The following GLI3 variants were observed in gnomAD, a reference collection of about 807,000 sequenced individuals.
GLI3 encodes the protein transcription activator GLI3.
GLI3 carries 20 observed loss-of-function variants against 100.8 expected under a neutral mutation model. That is an observed-to-expected ratio of 0.20 (90% CI 0.14 to 0.29). The LOEUF is 0.29. Among genes scored for constraint, GLI3 ranks in the 10% least tolerant of loss-of-function variants. The pLI is 1.00. For missense variants in GLI3, 2,040 were observed against 2,128.5 expected (o/e 0.96, Z 0.82); for synonymous variants, 938 against 860.5 (o/e 1.09, Z -1.58).
chr7:42,044,255 A>G (rs1021137886), intron 6 of GLI3, among the ~76,000 whole-genome samples: 2 of 152,224 alleles, frequency 1.3e-5, no homozygotes, highest in African/African-American at 4.8e-5. Flanking sequence ...AAAACAAACA[A>G]AACGCTAAGC....
rs1389935127 is a variant in GLI3 at position 41,976,301 on chromosome 7, C to T, written c.1812+1257G>A. 3.3e-5 allele frequency among the ~76,000 whole-genome samples: 5 copies of T among 152,082 alleles called. 1 individual carries two copies. Among genetic ancestry groups the T allele is most frequent in the Non-Finnish European group, 5.9e-5 (4 of 68,024 alleles). On this transcript the variant is annotated intron_variant, in intron 12 of 14. Coordinates refer to ENST00000395925, the MANE Select transcript of GLI3 (RefSeq NM_000168.6). ...TTCAAACAGTTAGAAAATGAGATTC[C>T]GAATAACTCCAGTTTCCATGACCTT...
At chr7:42,201,409 G>A (rs1160870764) in intron 2 of GLI3, among the ~76,000 whole-genome samples, 2 of 152,080 alleles carry the variant, frequency 1.3e-5, no homozygotes, top group Non-Finnish European at 2.9e-5. Flanking sequence ...CACAGCTAAG[G>A]GACAGGTTAA....
At chr7:42,155,166 G>A (rs1011844240) in intron 2 of GLI3, among the ~76,000 whole-genome samples, 2 of 152,268 alleles carry the variant, frequency 1.3e-5, no homozygotes, top group Admixed American at 6.5e-5. Flanking sequence ...CAGGCCAAGC[G>A]TGGTGGATCA....
chr7:41,965,812 G>A lies in GLI3; in HGVS notation c.3261C>T (p.Asn1087=), dbSNP rs370714837. 7.4e-5 allele frequency: 120 copies of A among 1,613,540 alleles called. No individual in the cohort carries two copies. The South Asian group carries it at 1.0e-3, about 14-fold the overall frequency. Residue 1087 remains asparagine, a synonymous_variant, in exon 15 of 15, where the codon AAC becomes AAT. Transcript: ENST00000395925. ...SLTMDADANL[N]DEDFLPDDVV... Reference sequence around the variant, plus strand: ...CGTCGTCCGGCAGGAAATCCTCATCGTTCAGGTTGGCATCAGCGTCCATGG... The same window carrying A: ...CGTCGTCCGGCAGGAAATCCTCATCATTCAGGTTGGCATCAGCGTCCATGG...
rs113583677 is a variant in GLI3 at position 42,030,970 on chromosome 7, C to A, written c.1029-4558G>T. On this transcript the variant is annotated intron_variant, in intron 7 of 14. Coordinates refer to ENST00000395925, the MANE Select transcript of GLI3 (RefSeq NM_000168.6). ...CTGACCTCAAGTGATCCGGCCGCCT[C>A]GGCCTCCCAAGGTGCTGGGATTACA... Among the ~76,000 whole-genome samples, 94 of 152,040 alleles carry A rather than the reference C, an allele frequency of 6.2e-4. 1 individual carries two copies. Among genetic ancestry groups the A allele is most frequent in the African/African-American group, 2.1e-3 (87 of 41,432 alleles).
chr7:42,227,298 T>A (rs1385403217), intron 1 of GLI3, among the ~76,000 whole-genome samples: 2 of 150,020 alleles, frequency 1.3e-5, no homozygotes, highest in Non-Finnish European at 3.0e-5. Context: ...TTGTAGCTGA[T>A]GTTTGAGTCC....
Position 42,057,617 on chromosome 7 carries a change from G to A in GLI3, c.474-8921C>T, listed in dbSNP as rs867447231. Reference sequence around the variant, plus strand: ...GACAAATAATGCATACAATGAAACAGTAAACAGCTATGAAAATGAACAAAC... The same window carrying A: ...GACAAATAATGCATACAATGAAACAATAAACAGCTATGAAAATGAACAAAC... On this transcript the variant is annotated intron_variant, in intron 4 of 14. Coordinates refer to ENST00000395925, the MANE Select transcript of GLI3 (RefSeq NM_000168.6). Among the ~76,000 whole-genome samples the A allele has an allele frequency of 2.2e-4, 33 of 152,090 alleles. 1 individual carries two copies. The highest frequency in any genetic ancestry group is 4.4e-5 in the Non-Finnish European group (3 of 68,026).
chr7:42,195,852 A>G (rs3823733), intron 2 of GLI3, among the ~76,000 whole-genome samples: 14,807 of 152,286 alleles, frequency 0.097, 873 homozygotes, highest in South Asian at 0.22. Context: ...CTGGTTTGCT[A>G]TCTTCCTCTG....
chr7:41,964,622 G>C lies in GLI3; in HGVS notation c.4451C>G (p.Ala1484Gly). 1 of 1,614,002 alleles carries C rather than the reference G, an allele frequency of 6.2e-7. No individual in the cohort carries two copies. The highest frequency in any genetic ancestry group is 8.5e-7 in the Non-Finnish European group (1 of 1,179,846). ...GTCCACTGTGCTTGTCACCTGATTA[G>C]CACCTGGGGAAAGTAACTCAGAGTT... ...AKNSELLSPG[A>G]NQVTSTVDSL... Residue 1484 changes from alanine to glycine, a missense_variant, in exon 15 of 15, where the codon GCT (alanine) becomes GGT (glycine). Physicochemically the swap from Ala to Gly is moderately conservative, Grantham distance 60 (BLOSUM62 0). This residue lies in a region of GLI3 where 1,041 missense variants were observed against 924.0 expected (regional missense o/e 1.13). Coordinates refer to ENST00000395925, the MANE Select transcript of GLI3 (RefSeq NM_000168.6).
chr7:41,970,811 CTTTGT>C (rs1787343288), intron 13 of GLI3, among the ~76,000 whole-genome samples: 1 of 152,132 alleles, frequency 6.6e-6, no homozygotes, highest in Non-Finnish European at 1.5e-5. Context: ...AATTAACTTT[CTTTGT>C]TTTGTTAAAC....
At chr7:42,068,444 G>T (rs1252051845) in intron 4 of GLI3, among the ~76,000 whole-genome samples, 1 of 152,110 alleles carries the variant, frequency 6.6e-6, no homozygotes, top group Non-Finnish European at 1.5e-5. Flanking sequence ...GAGCTCCAAG[G>T]ATGAGTTTCA....
chr7:42,016,723 A>C (rs1017614557), intron 10 of GLI3, among the ~76,000 whole-genome samples: 1 of 152,016 alleles, frequency 6.6e-6, no homozygotes. Flanking sequence ...CATCATCATC[A>C]TCACCACCAT....
chr7:42,173,157 G>A (rs1254079029), intron 2 of GLI3, among the ~76,000 whole-genome samples: 1 of 152,138 alleles, frequency 6.6e-6, no homozygotes, highest in Non-Finnish European at 1.5e-5. Context: ...TTGATGCCTG[G>A]CTGACTTGGA....
At chr7:42,198,398 G>A (rs1434280342) in intron 2 of GLI3, among the ~76,000 whole-genome samples, 1 of 152,154 alleles carries the variant, frequency 6.6e-6, no homozygotes, top group Non-Finnish European at 1.5e-5. Context: ...AGGAGCACAA[G>A]CGAGAAAACA....
chr7:41,984,769 G>A (rs1410059492), intron 10 of GLI3, among the ~76,000 whole-genome samples: 1 of 152,250 alleles, frequency 6.6e-6, no homozygotes, highest in Non-Finnish European at 1.5e-5. Flanking sequence ...TTTCACGCCA[G>A]TCTTTCTGTC....
chr7:42,149,304 A>G (rs1008704866), intron 2 of GLI3, among the ~76,000 whole-genome samples: 2 of 152,228 alleles, frequency 1.3e-5, no homozygotes, highest in Non-Finnish European at 2.9e-5. Flanking sequence ...TGTAAGAAAC[A>G]GCTTGAAGAA....
At chr7:42,014,829 G>A (rs145063197) in intron 10 of GLI3, among the ~76,000 whole-genome samples, 2 of 152,270 alleles carry the variant, frequency 1.3e-5, no homozygotes, top group African/African-American at 4.8e-5. Flanking sequence ...CCACCAGGTG[G>A]TGACGATGGA....
intron 1 of GLI3, among the ~76,000 whole-genome samples, chr7:42,233,064 C>T (rs976510843): frequency 3.9e-5 from 6 of 152,138 alleles, no homozygotes; most frequent in African/African-American, 7.2e-5. Flanking sequence ...GTAAAGTTTG[C>T]GATCAAATGT....
At chr7:42,137,296 C>A (rs778449327) in intron 3 of GLI3, among the ~76,000 whole-genome samples, 3 of 152,192 alleles carry the variant, frequency 2.0e-5, no homozygotes, top group African/African-American at 4.8e-5. Context: ...TCACAAACGT[C>A]ACTGCACACC....
Sources: gnomAD v4.1 joint callset for allele counts (sites outside exome capture counted in the v4.1 genomes callset) on GRCh38, gnomAD v4.1.1 for gene constraint, gnomAD v4.1.1 regional missense constraint, MANE v1.5 for transcripts, NCBI Gene and HGNC (gene_info 2026-07-23, HGNC 2026-07-21) for gene names.